The following TXNDC15 variants were observed in gnomAD, a reference collection of about 807,000 sequenced individuals.
TXNDC15 encodes thioredoxin domain-containing protein 15.
In TXNDC15, 24 loss-of-function variants were observed where a neutral mutation model predicts 35.0. The observed-to-expected ratio is 0.68, with a 90% CI of 0.50 to 0.96. The LOEUF (loss-of-function observed/expected upper bound fraction) is 0.96, where lower values mean the gene tolerates loss of function less well. Among genes scored for constraint, TXNDC15 ranks in the 40% least tolerant of loss-of-function variants. The pLI, the probability that TXNDC15 is intolerant of heterozygous loss-of-function variation, is 0.00. For missense variants in TXNDC15, 385 were observed against 453.3 expected (o/e 0.85, Z 1.37); for synonymous variants, 169 against 174.0 (o/e 0.97, Z 0.23).
In TXNDC15 at chr5:134,888,080, C is replaced by G; in HGVS notation, c.489C>G (p.Asp163Glu). The stretch of plus-strand genomic sequence containing the variant: ...AATCTGACGCAGCCCCGACAGAGGA[C>G]TCCAATAACACTGAAAGTCTGAAAT... The part of the protein sequence containing the change: ...VAESDAAPTE[D>E]SNNTESLKSP... The change falls in exon 2 of 5, where the codon GAC becomes GAG. Residue 163 changes from aspartate (D) to glutamate (E), a missense_variant. Coordinates refer to ENST00000358387, the MANE Select transcript of TXNDC15 (RefSeq NM_024715.4). 1 of 1,614,156 alleles carries G rather than the reference C, an allele frequency of 6.2e-7. No homozygotes were observed. Among genetic ancestry groups the G allele is most frequent in the Non-Finnish European group, 8.5e-7 (1 of 1,180,034 alleles).
intron 1 of TXNDC15, among the ~76,000 whole-genome samples, chr5:134,885,155 C>T (rs889653256): frequency 3.9e-5 from 6 of 152,142 alleles, no homozygotes; most frequent in African/African-American, 1.4e-4. Flanking sequence ...CTTCTGACCT[C>T]AGGTGATCCA....
chr5:134,883,587 C>CAAAAAAAAAAAAAA (rs60114636), intron 1 of TXNDC15, among the ~76,000 whole-genome samples: 41 of 65,358 alleles, frequency 6.3e-4, no homozygotes, highest in African/African-American at 2.6e-3. Context: ...GACCCTGTCT[C>CAAAAAAAAAAAAAA]AAAAAAAAAA....
intron 4 of TXNDC15, among the ~76,000 whole-genome samples, chr5:134,897,994 G>A (rs1443953770): frequency 6.6e-6 from 1 of 151,314 alleles, no homozygotes; most frequent in East Asian, 1.9e-4. Flanking sequence ...GGTTGACAGA[G>A]TGAGACTCCG....
intron 3 of TXNDC15, among the ~76,000 whole-genome samples, chr5:134,895,408 T>C (rs1033086313): frequency 1.6e-4 from 24 of 152,330 alleles, no homozygotes; most frequent in Admixed American, 1.5e-3. Context: ...GCATACTCAG[T>C]GCTCTTTGGT....
At position 134,898,853 on chromosome 5, in the gene TXNDC15, T is replaced by C. The variant is rs539401374; in HGVS notation, c.887-636T>C. Reference sequence around the variant, plus strand: ...ACTTTGGGAGGCTGAGGTGGGCAGATCAACTGAGGTCTGGAGTTCGAGACC... The same window carrying C: ...ACTTTGGGAGGCTGAGGTGGGCAGACCAACTGAGGTCTGGAGTTCGAGACC... On this transcript the variant is annotated intron_variant, in intron 4 of 4. Transcript: ENST00000358387. 3.7e-4 allele frequency among the ~76,000 whole-genome samples: 57 copies of C among 152,294 alleles called. No individual in the cohort carries two copies. The East Asian group carries it at 8.5e-3, about 23-fold the overall frequency.
intron 1 of TXNDC15, chr5:134,875,269 C>G: frequency 2.2e-6 from 1 of 456,210 alleles, no homozygotes; most frequent in Non-Finnish European, 4.4e-6. Context: ...CCCCACTCCT[C>G]ATAGTCCTGT....
At chr5:134,874,584 C>T in intron 1 of TXNDC15, 54 bp downstream of exon 1, 2 of 1,442,838 alleles carry the variant, frequency 1.4e-6, no homozygotes, top group South Asian at 1.2e-5. Flanking sequence ...TGAGGTCCAC[C>T]CGGGCGACGC....
At chr5:134,878,953 C>A (rs112584020) in intron 1 of TXNDC15, among the ~76,000 whole-genome samples, 2 of 152,290 alleles carry the variant, frequency 1.3e-5, no homozygotes, top group African/African-American at 4.8e-5. Context: ...GAGCTGAGAT[C>A]GTGCCACTGC....
chr5:134,888,159 C>T lies in TXNDC15; in HGVS notation c.568C>T (p.Leu190=), dbSNP rs1750316921. 1 of 1,603,430 alleles carries T rather than the reference C, an allele frequency of 6.2e-7. No homozygotes were observed. The highest frequency in any genetic ancestry group is 8.5e-7 in the Non-Finnish European group (1 of 1,173,436). ...CATTACAGGATTAGAAAATTTCACT[C>T]TGAAAATTTTAAATATGTCACAGGT... ...RNITGLENFT[L]KILNMSQDLM... The change falls in exon 2 of 5, where the codon CTG becomes TTG. Residue 190 remains leucine (L), a synonymous_variant. Transcript: ENST00000358387.
At chr5:134,887,578 A>G (rs1750299877) in intron 1 of TXNDC15, 117 bp from the exon 2 acceptor site, 1 of 1,296,694 alleles carries the variant, frequency 7.7e-7, no homozygotes, top group Non-Finnish European at 1.1e-6. Context: ...TAGTTTAATG[A>G]AAGGAGACCT....
At chr5:134,890,241 C>T (rs189518898) in intron 2 of TXNDC15, among the ~76,000 whole-genome samples, 8 of 151,836 alleles carry the variant, frequency 5.3e-5, no homozygotes, top group Admixed American at 5.3e-4. Context: ...CACTATGTTG[C>T]ATAGGCTGGT....
rs534867776 is a variant in TXNDC15, at chr5:134,880,537, A to G, written c.103+6007A>G. Among the ~76,000 whole-genome samples, 524 of 151,982 alleles carry G rather than the reference A, an allele frequency of 3.4e-3. 2 individuals are homozygous for G. The highest frequency in any genetic ancestry group is 0.012 in the African/African-American group (500 of 41,460). ...CTGCAACCTCCACCTCCTGGGTTCA[A>G]GCGATTCTCTTGCCTCGGCCTCCCG... On this transcript the variant is annotated intron_variant, in intron 1 of 4. Coordinates refer to ENST00000358387, the MANE Select transcript of TXNDC15 (RefSeq NM_024715.4).
rs182410809 is a variant in TXNDC15, at chr5:134,875,302, G to C, written c.103+772G>C. ...TGTTAAAGTCCAGACCCTCGGTCTC[G>C]CTTGTCATTTAGACCTTAACAGGAA... On this transcript the variant is annotated intron_variant, in intron 1 of 4. Coordinates refer to ENST00000358387, the MANE Select transcript of TXNDC15 (RefSeq NM_024715.4). The C allele has an allele frequency of 3.9e-3, 1,780 of 456,200 alleles. 8 individuals carry two copies. Among genetic ancestry groups the C allele is most frequent in the Non-Finnish European group, 5.6e-3 (1,262 of 226,944 alleles). 28.3% of individuals were successfully genotyped at this position (456,200 alleles called of 1,614,324 possible).
intron 1 of TXNDC15, among the ~76,000 whole-genome samples, chr5:134,877,931 C>A (rs1457998911): frequency 6.6e-6 from 1 of 152,138 alleles, no homozygotes; most frequent in Admixed American, 6.5e-5. Context: ...CGTCACTACA[C>A]CCCGGCTAAT....
intron 4 of TXNDC15, among the ~76,000 whole-genome samples, chr5:134,898,036 A>T (rs1266863811): frequency 6.6e-6 from 1 of 152,032 alleles, no homozygotes; most frequent in Non-Finnish European, 1.5e-5. Context: ...AAAAAGAGAA[A>T]CAGAACATTA....
At chr5:134,878,133 A>G (rs914507096) in intron 1 of TXNDC15, among the ~76,000 whole-genome samples, 1 of 152,192 alleles carries the variant, frequency 6.6e-6, no homozygotes, top group Non-Finnish European at 1.5e-5. Context: ...GCTGGTCTTG[A>G]ATTCCTGACC....
At position 134,899,527 on chromosome 5, in the gene TXNDC15, G is replaced by C. The variant is rs773843909; in HGVS notation, c.925G>C (p.Asp309His). The change falls in exon 5 of 5, where the codon GAC becomes CAC. Residue 309 changes from aspartate to histidine, a missense_variant. Transcript: ENST00000358387. ...AKKNVVVTQA[D>H]QIGPLPSTLI... Reference sequence around the variant, plus strand: ...GAAGAATGTGGTGGTAACTCAAGCCGACCAAATAGGCCCTCTTCCCAGCAC... The same window carrying C: ...GAAGAATGTGGTGGTAACTCAAGCCCACCAAATAGGCCCTCTTCCCAGCAC... The C allele has an allele frequency of 1.2e-6, 2 of 1,613,568 alleles. No homozygotes were observed. Among genetic ancestry groups the C allele is most frequent in the East Asian group, 4.5e-5 (2 of 44,862 alleles).
chr5:134,892,083 T>C (rs1056006947), intron 2 of TXNDC15: 2 of 152,196 alleles, frequency 1.3e-5, no homozygotes, highest in South Asian at 2.1e-4. Flanking sequence ...GGCTGTCTTA[T>C]CTACATGAAA....
At chr5:134,891,242 C>G (rs1750382792) in intron 2 of TXNDC15, among the ~76,000 whole-genome samples, 1 of 152,136 alleles carries the variant, frequency 6.6e-6, no homozygotes, top group South Asian at 2.1e-4. Context: ...ATTTATTTTG[C>G]CCAAATCCAT....
Sources: allele counts gnomAD v4.1 joint callset (sites outside exome capture counted in the v4.1 genomes callset), GRCh38; gene constraint gnomAD v4.1.1; transcripts MANE v1.5; gene names NCBI Gene and HGNC (gene_info 2026-07-23, HGNC 2026-07-21).